CWC27: variants seen among roughly 807,000 people sequenced by gnomAD.
The protein encoded by CWC27 is CWC27 spliceosome associated cyclophilin, also known as spliceosome-associated protein CWC27 homolog.
In CWC27, 47 loss-of-function variants were observed where a neutral mutation model predicts 63.6. The ratio of observed to expected loss-of-function variants is 0.74; its 90% confidence interval spans 0.58 to 0.94. The LOEUF (loss-of-function observed/expected upper bound fraction) is 0.94. Among genes scored for constraint, CWC27 ranks in the 40% least tolerant of loss-of-function variants. The probability of loss-of-function intolerance (pLI) is 0.00; values close to 1 mark genes in which losing one functional copy is unlikely to be tolerated. For synonymous variants in CWC27, 175 were observed against 179.8 expected, an observed-to-expected ratio of 0.97 and a Z score of 0.22; for missense variants, 495 against 554.3, an observed-to-expected ratio of 0.89 and a Z score of 1.07.
intron 10 of CWC27, among the ~76,000 whole-genome samples, chr5:64,858,274 A>G (rs995471494): frequency 1.7e-4 from 25 of 149,696 alleles, no homozygotes; most frequent in African/African-American, 5.9e-4. Flanking sequence ...CCTGGCTAAC[A>G]CGGTGAAACC....
At chr5:64,916,885 T>TTAGTAGTAGTAGTAG (rs56214406) in intron 11 of CWC27, among the ~76,000 whole-genome samples, 29 of 144,020 alleles carry the variant, frequency 2.0e-4, no homozygotes, top group African/African-American at 4.5e-4. Flanking sequence ...AGTAGTAGTA[T>TTAGTAGTAGTAGTAG]TAGTAGTAGT....
At chr5:64,859,074 A>G (rs565942746) in intron 10 of CWC27, among the ~76,000 whole-genome samples, 12 of 152,378 alleles carry the variant, frequency 7.9e-5, no homozygotes, top group Middle Eastern at 3.4e-3. Context: ...AGTACTAGTT[A>G]GTAATAAAAA....
chr5:64,992,162 A>G (rs1310206841), intron 13 of CWC27, among the ~76,000 whole-genome samples: 1 of 152,238 alleles, frequency 6.6e-6, no homozygotes, highest in Non-Finnish European at 1.5e-5. Flanking sequence ...TTTTACCTTC[A>G]AAAGAGCCTC....
chr5:64,890,960 G>A (rs1174683864), intron 11 of CWC27, among the ~76,000 whole-genome samples: 1 of 152,158 alleles, frequency 6.6e-6, no homozygotes, highest in Non-Finnish European at 1.5e-5. Context: ...AGAAAAGCAT[G>A]GCTAGAGACA....
chr5:64,992,919 T>C (rs998840334), intron 13 of CWC27, among the ~76,000 whole-genome samples: 5 of 152,124 alleles, frequency 3.3e-5, no homozygotes, highest in Non-Finnish European at 4.4e-5. Context: ...ATTCTTTTGC[T>C]CCACTGAGAG....
intron 11 of CWC27, among the ~76,000 whole-genome samples, chr5:64,897,071 GGT>G (rs1747396259): frequency 6.6e-6 from 1 of 152,050 alleles, no homozygotes; most frequent in South Asian, 2.1e-4. Context: ...AAATTAGCCA[GGT>G]GTGGCAGTGT....
chr5:64,846,419 G>GAATTGTTGTATGCAAAGTT (rs1014885863), intron 10 of CWC27, among the ~76,000 whole-genome samples: 4 of 152,218 alleles, frequency 2.6e-5, no homozygotes, highest in African/African-American at 9.6e-5. Context: ...AAAAAGTATA[G>GAATTGTTGTATGCAAAGTT]AATTGTTGTA....
chr5:64,914,651 A>G (rs1023422771), intron 11 of CWC27, among the ~76,000 whole-genome samples: 2 of 151,884 alleles, frequency 1.3e-5, no homozygotes, highest in Non-Finnish European at 2.9e-5. Context: ...TGGAACTCTT[A>G]TCCTCTGGTG....
intron 13 of CWC27, among the ~76,000 whole-genome samples, chr5:65,011,915 T>C (rs1469325592): frequency 1.3e-5 from 2 of 152,196 alleles, no homozygotes; most frequent in Non-Finnish European, 2.9e-5. Context: ...CAGATAGCAC[T>C]GATTAAAGGC....
At chr5:64,813,313 A>G (rs1744939932) in intron 10 of CWC27, among the ~76,000 whole-genome samples, 1 of 152,194 alleles carries the variant, frequency 6.6e-6, no homozygotes, top group Admixed American at 6.5e-5. Context: ...TGAAATAAAA[A>G]TACCACTTTT....
chr5:64,829,942 CT>C (rs1329357681), intron 10 of CWC27, among the ~76,000 whole-genome samples: 1 of 143,414 alleles, frequency 7.0e-6, no homozygotes, highest in Non-Finnish European at 1.5e-5. Context: ...TGGTTTCCAG[CT>C]TCATCCATGT....
intron 13 of CWC27, among the ~76,000 whole-genome samples, chr5:64,988,351 T>C (rs1749473544): frequency 6.6e-6 from 1 of 152,196 alleles, no homozygotes; most frequent in South Asian, 2.1e-4. Context: ...GATTCTCTTA[T>C]GCCAAGTAAT....
chr5:64,989,560 A>G (rs969844326), intron 13 of CWC27, among the ~76,000 whole-genome samples: 2 of 152,230 alleles, frequency 1.3e-5, no homozygotes, highest in African/African-American at 4.8e-5. Context: ...CCTTAGGAAC[A>G]TCCTCAAATC....
chr5:64,873,717 C>T (rs1211959854), intron 10 of CWC27, among the ~76,000 whole-genome samples: 3 of 152,000 alleles, frequency 2.0e-5, no homozygotes, highest in Non-Finnish European at 2.9e-5. Context: ...TTTAGTTGTT[C>T]TGTGCTTTTG....
intron 6 of CWC27, 102 bp downstream of exon 6, chr5:64,786,729 G>A: frequency 1.5e-6 from 1 of 671,332 alleles, no homozygotes; most frequent in South Asian, 2.3e-5. Flanking sequence ...GCAAAGGAGA[G>A]GCCAGTTTGA....
At chr5:64,957,195 A>C (rs998628792) in intron 11 of CWC27, among the ~76,000 whole-genome samples, 1 of 152,222 alleles carries the variant, frequency 6.6e-6, no homozygotes, top group Admixed American at 6.5e-5. Context: ...GATATTCTGC[A>C]ATGCTTAATT....
At chr5:64,777,546 C>T (rs1015784790) in intron 2 of CWC27, among the ~76,000 whole-genome samples, 2 of 151,676 alleles carry the variant, frequency 1.3e-5, no homozygotes, top group South Asian at 2.1e-4. Flanking sequence ...ATGATAATGC[C>T]CATAGATTAT....
At chr5:64,923,305 C>T (rs1322645106) in intron 11 of CWC27, among the ~76,000 whole-genome samples, 1 of 152,098 alleles carries the variant, frequency 6.6e-6, no homozygotes, top group Non-Finnish European at 1.5e-5. Context: ...AGAGGGGCCA[C>T]TGGACAACAG....
chr5:64,933,147 G>C (rs1748272889), intron 11 of CWC27, among the ~76,000 whole-genome samples: 1 of 152,148 alleles, frequency 6.6e-6, no homozygotes, highest in Non-Finnish European at 1.5e-5. Context: ...TACATTTTCA[G>C]ATGGTGCTGA....
Sources: allele counts gnomAD v4.1 joint callset (sites outside exome capture counted in the v4.1 genomes callset), GRCh38; gene constraint gnomAD v4.1.1; transcripts MANE v1.5; gene names NCBI Gene and HGNC (gene_info 2026-07-23, HGNC 2026-07-21).